NF2: variants seen among roughly 807,000 people sequenced by gnomAD.
NF2 encodes NF2, moesin-ezrin-radixin like (MERLIN) tumor suppressor.
NF2 carries 8 observed loss-of-function variants against 83.7 expected under a neutral mutation model. The ratio of observed to expected loss-of-function variants is 0.10; its 90% confidence interval spans 0.06 to 0.17. The LOEUF is 0.17. Among genes scored for constraint, NF2 ranks in the 10% least tolerant of loss-of-function variants. The probability of loss-of-function intolerance (pLI) is 1.00; values close to 1 mark genes in which losing one functional copy is unlikely to be tolerated. For synonymous variants in NF2, 266 were observed against 269.6 expected (o/e 0.99, Z 0.13); for missense variants, 533 against 744.4 (o/e 0.72, Z 3.31).
rs774873757 is a variant in NF2, at chr22:29,658,303, A to G, written c.675+39A>G. 4 of 1,567,850 alleles carry G rather than the reference A, an allele frequency of 2.6e-6. No individual in the cohort carries two copies. In the South Asian group the frequency reaches 4.4e-5, roughly 17 times the overall value. ...TCTCTGAGCTCCTTGTGTAGTAGAC[A>G]GAGACTGAGTGAGGGCCAGACTGCT... On this transcript the variant is annotated intron_variant, in intron 7 of 15. Coordinates refer to ENST00000338641, the MANE Select transcript of NF2 (RefSeq NM_000268.4).
intron 10 of NF2, among the ~76,000 whole-genome samples, chr22:29,671,396 G>T (rs905593027): frequency 6.6e-6 from 1 of 152,156 alleles, no homozygotes; most frequent in Non-Finnish European, 1.5e-5. Flanking sequence ...AGGCATGGTG[G>T]CGGGTGCCTA....
intron 9 of NF2, among the ~76,000 whole-genome samples, chr22:29,666,493 T>G (rs1307015280): frequency 6.6e-6 from 1 of 152,044 alleles, no homozygotes; most frequent in Non-Finnish European, 1.5e-5. Flanking sequence ...TGCCTCCTGG[T>G]GCACATAGGC....
chr22:29,651,603 T>C (rs981480725), intron 4 of NF2, among the ~76,000 whole-genome samples: 4 of 152,178 alleles, frequency 2.6e-5, no homozygotes, highest in African/African-American at 9.7e-5. Context: ...TCAGGATTTT[T>C]TTCTTCCCTT....
At chr22:29,606,030 C>T (rs891959366) in intron 1 of NF2, among the ~76,000 whole-genome samples, 1 of 152,044 alleles carries the variant, frequency 6.6e-6, no homozygotes, top group African/African-American at 2.4e-5. Context: ...TCTCGCCTCA[C>T]CGCAGCCTCT....
intron 4 of NF2, among the ~76,000 whole-genome samples, chr22:29,643,447 G>C (rs1013571928): frequency 6.6e-6 from 1 of 152,186 alleles, no homozygotes; most frequent in Admixed American, 6.5e-5. Flanking sequence ...GACTTCCGCA[G>C]CGTTTGTGTC....
intron 1 of NF2, 119 bp downstream of exon 1, chr22:29,604,231 G>T (rs1315507155): frequency 3.8e-6 from 3 of 791,442 alleles, no homozygotes; most frequent in African/African-American, 3.4e-5. Context: ...GGCCAACTAG[G>T]CCCAAAACCT....
intron 15 of NF2, among the ~76,000 whole-genome samples, chr22:29,686,232 C>T (rs2067267696): frequency 6.6e-6 from 1 of 152,248 alleles, no homozygotes; most frequent in African/African-American, 2.4e-5. Context: ...GATCCTGCAG[C>T]AAAGGGCGAA....
chr22:29,653,844 T>C (rs1463846702), intron 4 of NF2, among the ~76,000 whole-genome samples: 1 of 152,240 alleles, frequency 6.6e-6, no homozygotes, highest in Non-Finnish European at 1.5e-5. Flanking sequence ...TTGTTGTTTT[T>C]GGTAAAATGA....
intron 15 of NF2, among the ~76,000 whole-genome samples, chr22:29,690,815 G>T (rs973293616): frequency 1.3e-5 from 2 of 152,220 alleles, no homozygotes; most frequent in African/African-American, 2.4e-5. Flanking sequence ...GCATCTTCAG[G>T]GAACTGGCAG....
intron 4 of NF2, among the ~76,000 whole-genome samples, chr22:29,643,014 C>T (rs976392438): frequency 2.0e-5 from 3 of 151,798 alleles, no homozygotes; most frequent in Non-Finnish European, 2.9e-5. Context: ...GTTTCATGTC[C>T]CTCAGATTTT....
At chr22:29,657,015 A>G (rs527660936) in intron 6 of NF2, among the ~76,000 whole-genome samples, 2 of 151,982 alleles carry the variant, frequency 1.3e-5, no homozygotes, top group South Asian at 4.2e-4. Context: ...TCAGTTTCCT[A>G]ACACTTTTTT....
At chr22:29,692,351 G>C (rs2067429794) in intron 15 of NF2, among the ~76,000 whole-genome samples, 1 of 152,156 alleles carries the variant, frequency 6.6e-6, no homozygotes, top group African/African-American at 2.4e-5. Context: ...TAAGAGGTGG[G>C]GCTGAGGCGC....
chr22:29,639,219 C>T lies in NF2; in HGVS notation c.363+7C>T, dbSNP rs2146873349. 6.2e-7 allele frequency: 1 copy of T among 1,614,006 alleles called. No individual in the cohort carries two copies. The highest frequency in any genetic ancestry group is 8.5e-7 in the Non-Finnish European group (1 of 1,180,018). On this transcript the variant is annotated splice_region_variant and intron_variant, in intron 3 of 15. Coordinates refer to ENST00000338641, the MANE Select transcript of NF2 (RefSeq NM_000268.4). ...ACATTTATTCTTCTTACAGGTACAT[C>T]AGTCAAGGCTACCCCCCAGTTCTGA...
intron 1 of NF2, among the ~76,000 whole-genome samples, chr22:29,610,033 T>TAGAGAGAG (rs3074485): frequency 2.0e-4 from 30 of 148,252 alleles, no homozygotes; most frequent in African/African-American, 6.7e-4. Context: ...AATAAATAAT[T>TAGAGAGAG]AGAGAGAGAG....
chr22:29,675,021 CG>C (rs2066918938), intron 13 of NF2, 80 bp downstream of exon 13: 1 of 1,261,574 alleles, frequency 7.9e-7, no homozygotes, highest in South Asian at 1.3e-5. Context: ...GTTCATCTGG[CG>C]GTGCCTTCAG....
chr22:29,627,188 G>T (rs979863871), intron 1 of NF2, among the ~76,000 whole-genome samples: 1 of 152,174 alleles, frequency 6.6e-6, no homozygotes, highest in African/African-American at 2.4e-5. Flanking sequence ...ATGCTACATG[G>T]TTTATACAAA....
intron 1 of NF2, among the ~76,000 whole-genome samples, chr22:29,609,842 A>G (rs1047898991): frequency 6.6e-6 from 1 of 152,044 alleles, no homozygotes; most frequent in Non-Finnish European, 1.5e-5. Context: ...TATAAAAACA[A>G]TTTTTTTCTG....
chr22:29,650,927 G>A (rs1441005402), intron 4 of NF2, among the ~76,000 whole-genome samples: 1 of 152,136 alleles, frequency 6.6e-6, no homozygotes, highest in East Asian at 1.9e-4. Flanking sequence ...CGATTGATTT[G>A]TAGATGCTCC....
chr22:29,612,334 G>T (rs1029947768), intron 1 of NF2, among the ~76,000 whole-genome samples: 2 of 151,556 alleles, frequency 1.3e-5, no homozygotes, highest in Non-Finnish European at 2.9e-5. Flanking sequence ...TTAATTAATT[G>T]ATTTTTTTTT....
Sources: allele counts gnomAD v4.1 joint callset (sites outside exome capture counted in the v4.1 genomes callset), GRCh38; gene constraint gnomAD v4.1.1; transcripts MANE v1.5; gene names NCBI Gene and HGNC (gene_info 2026-07-23, HGNC 2026-07-21).